Variants in KCNIP4 observed in about 807,000 individuals in gnomAD.
KCNIP4 encodes potassium voltage-gated channel interacting protein 4.
In KCNIP4, 12 loss-of-function variants were observed where a neutral mutation model predicts 34.0. That is an observed-to-expected ratio of 0.35 (90% CI 0.23 to 0.57). KCNIP4 has a LOEUF of 0.57. Ranked by LOEUF, KCNIP4 falls within the 20% of genes least tolerant of loss-of-function variation. KCNIP4 has a pLI of 0.83. For synonymous variants in KCNIP4, 124 were observed against 102.2 expected, an observed-to-expected ratio of 1.21 and a Z score of -1.29; for missense variants, 238 against 311.7, an observed-to-expected ratio of 0.76 and a Z score of 1.78.
At chr4:21,444,885 T>C (rs1727838062) in intron 1 of KCNIP4, among the ~76,000 whole-genome samples, 1 of 152,164 alleles carries the variant, frequency 6.6e-6, no homozygotes, top group Non-Finnish European at 1.5e-5. Flanking sequence ...CCCCATCATC[T>C]CAGCCCCAAA....
Position 21,186,140 on chromosome 4 carries a change from T to C in KCNIP4, c.62-303431A>G, listed in dbSNP as rs16870556. On this transcript the variant is annotated intron_variant, in intron 1 of 8. Coordinates refer to ENST00000382152, the MANE Select transcript of KCNIP4 (RefSeq NM_025221.6). ...AAGCTTATATCCTCAATATCCCTTT[T>C]ACAAAGATTTACCCTGTCTTTCCTT... 5.0e-3 allele frequency among the ~76,000 whole-genome samples: 768 copies of C among 152,340 alleles called. 3 individuals carry two copies. Among genetic ancestry groups the C allele is most frequent in the African/African-American group, 0.016 (668 of 41,588 alleles).
chr4:21,494,027 A>T (rs1392878856), intron 1 of KCNIP4, among the ~76,000 whole-genome samples: 1 of 152,188 alleles, frequency 6.6e-6, no homozygotes, highest in African/African-American at 2.4e-5. Context: ...ATCTCCTTTA[A>T]TCCTCATAAC....
At chr4:21,094,858 A>T (rs1747326810) in intron 1 of KCNIP4, among the ~76,000 whole-genome samples, 1 of 152,180 alleles carries the variant, frequency 6.6e-6, no homozygotes, top group African/African-American at 2.4e-5. Flanking sequence ...GAAGAAATTG[A>T]GGCACAGAGA....
intron 1 of KCNIP4, among the ~76,000 whole-genome samples, chr4:21,142,782 T>G (rs1752069525): frequency 1.3e-5 from 2 of 152,196 alleles, no homozygotes; most frequent in Non-Finnish European, 2.9e-5. Flanking sequence ...CCTAATGCCC[T>G]GTAATGATTT....
chr4:20,888,605 C>T (rs1276828785), intron 1 of KCNIP4, among the ~76,000 whole-genome samples: 2 of 151,932 alleles, frequency 1.3e-5, no homozygotes, highest in African/African-American at 2.4e-5. Flanking sequence ...GGACATTTAC[C>T]CTCACAGAGA....
At chr4:20,880,677 A>T (rs955979605) in intron 2 of KCNIP4, among the ~76,000 whole-genome samples, 1 of 152,226 alleles carries the variant, frequency 6.6e-6, no homozygotes, top group Middle Eastern at 3.2e-3. Flanking sequence ...TCTACAGTGT[A>T]CAAATGACTA....
chr4:21,831,113 A>T (rs1159167607), intron 1 of KCNIP4, among the ~76,000 whole-genome samples: 1 of 152,166 alleles, frequency 6.6e-6, no homozygotes, highest in African/African-American at 2.4e-5. Context: ...GACTTACAAA[A>T]AATGGAAACA....
At chr4:21,038,358 CT>C (rs1028583134) in intron 1 of KCNIP4, among the ~76,000 whole-genome samples, 5 of 152,136 alleles carry the variant, frequency 3.3e-5, no homozygotes, top group Non-Finnish European at 5.9e-5. Flanking sequence ...TTATCTCTTG[CT>C]TTTTTTATTA....
intron 3 of KCNIP4, among the ~76,000 whole-genome samples, chr4:20,788,769 G>A (rs952156675): frequency 6.6e-6 from 1 of 152,150 alleles, no homozygotes; most frequent in Non-Finnish European, 1.5e-5. Flanking sequence ...AAAGAATTCA[G>A]TATGTAGTTG....
rs527404333 is a variant in KCNIP4, at chr4:21,034,159, T to C, written c.62-151450A>G. Among the ~76,000 whole-genome samples the C allele has an allele frequency of 2.0e-5, 3 of 152,232 alleles. No individual in the cohort carries two copies. The East Asian group carries it at 5.8e-4, about 29-fold the overall frequency. ...GTTGGCAGAGGAGAAAAGAAAGAAA[T>C]TTTTTACATCTCATTATTAGGATTC... On this transcript the variant is annotated intron_variant, in intron 1 of 8. Coordinates refer to ENST00000382152, the MANE Select transcript of KCNIP4 (RefSeq NM_025221.6).
At chr4:20,862,172 G>A (rs1722272917) in intron 2 of KCNIP4, among the ~76,000 whole-genome samples, 1 of 151,882 alleles carries the variant, frequency 6.6e-6, no homozygotes. Context: ...TGTATGTTTA[G>A]TAGAGACGGG....
At chr4:21,637,569 G>A (rs1746289341) in intron 1 of KCNIP4, among the ~76,000 whole-genome samples, 2 of 150,158 alleles carry the variant, frequency 1.3e-5, no homozygotes, top group East Asian at 1.9e-4. Flanking sequence ...GATGGCTTGC[G>A]GATAGGCATT....
chr4:21,687,291 C>A (rs1000006926), intron 1 of KCNIP4, among the ~76,000 whole-genome samples: 1 of 145,836 alleles, frequency 6.9e-6, no homozygotes, highest in Admixed American at 7.1e-5. Flanking sequence ...GCACAATGTG[C>A]ACATATACCC....
At chr4:21,070,552 A>T (rs1744799479) in intron 1 of KCNIP4, among the ~76,000 whole-genome samples, 1 of 150,826 alleles carries the variant, frequency 6.6e-6, no homozygotes. Flanking sequence ...AATGGTGATT[A>T]GCTTTTCATG....
chr4:20,858,211 CAAAAAAAAAAAAAAAAAAA>C (rs778798968), intron 2 of KCNIP4, among the ~76,000 whole-genome samples: 891 of 70,784 alleles, frequency 0.013, 21 homozygotes, highest in African/African-American at 0.035. Flanking sequence ...AACTCCATCT[CAAAAAAAAAAAAAAAAAAA>C]AAAAAAAAAA....
At chr4:21,750,354 A>G (rs1458363386) in intron 1 of KCNIP4, among the ~76,000 whole-genome samples, 4 of 152,184 alleles carry the variant, frequency 2.6e-5, no homozygotes, top group African/African-American at 9.7e-5. Flanking sequence ...TTAATAAAGA[A>G]CACAAAAACT....
At chr4:21,725,005 C>G (rs1277621366) in intron 1 of KCNIP4, among the ~76,000 whole-genome samples, 1 of 152,114 alleles carries the variant, frequency 6.6e-6, no homozygotes, top group African/African-American at 2.4e-5. Flanking sequence ...TTTAGCTTCA[C>G]AGAAGTTCCT....
intron 1 of KCNIP4, among the ~76,000 whole-genome samples, chr4:21,053,187 G>C (rs988766575): frequency 6.6e-6 from 1 of 152,076 alleles, no homozygotes; most frequent in Non-Finnish European, 1.5e-5. Flanking sequence ...GGGCAGTCTT[G>C]GCAGTTTCTT....
At chr4:21,422,793 C>T (rs759578148) in intron 1 of KCNIP4, among the ~76,000 whole-genome samples, 4 of 151,934 alleles carry the variant, frequency 2.6e-5, no homozygotes, top group Non-Finnish European at 5.9e-5. Flanking sequence ...CAGTGCCACA[C>T]GGACAGAAGT....
Sources: gnomAD v4.1 joint callset for allele counts (sites outside exome capture counted in the v4.1 genomes callset) on GRCh38, gnomAD v4.1.1 for gene constraint, MANE v1.5 for transcripts, NCBI Gene and HGNC (gene_info 2026-07-23, HGNC 2026-07-21) for gene names.